KDM6A: variants seen among roughly 807,000 people sequenced by gnomAD.
The protein encoded by KDM6A is lysine demethylase 6A.
In KDM6A, 11 loss-of-function variants were observed where a neutral mutation model predicts 117.6. That is an observed-to-expected ratio of 0.09 (90% CI 0.06 to 0.15). KDM6A has a LOEUF of 0.15. Ranked by LOEUF, KDM6A falls within the 10% of genes least tolerant of loss-of-function variation. The pLI, the probability that KDM6A is intolerant of heterozygous loss-of-function variation, is 1.00. For synonymous variants in KDM6A, 384 were observed against 396.1 expected (o/e 0.97, Z 0.36); for missense variants, 799 against 1,077.3 (o/e 0.74, Z 3.62).
intron 2 of KDM6A, among the ~76,000 whole-genome samples, chrX:44,893,683 G>C (rs745629268): frequency 9.1e-6 from 1 of 109,540 alleles, no homozygotes; most frequent in African/African-American, 3.3e-5. Context: ...CTAATTTTTT[G>C]TATTTTTAGT....
chrX:45,020,055 A>G (rs1400554321), intron 5 of KDM6A, among the ~76,000 whole-genome samples: 1 of 111,693 alleles, frequency 9.0e-6, no homozygotes, highest in African/African-American at 3.2e-5. Context: ...AAGGATGGTC[A>G]TTTCTACAAA....
Position 44,873,412 on chromosome X carries a change from T to G in KDM6A, c.-140T>G. ...CTTCACCGCCGCCGCGTTGGGATTT[T>G]TCGTCGCCGCCGCCCGCGGCGGAGG... is the stretch of plus-strand genomic sequence containing the variant. On this transcript the variant is annotated 5_prime_UTR_variant, in exon 1 of 30. Transcript: ENST00000611820. 4 of 861,394 alleles carry G rather than the reference T, an allele frequency of 4.6e-6. No homozygotes were observed. Among genetic ancestry groups the G allele is most frequent in the Non-Finnish European group, 6.4e-6 (4 of 622,729 alleles). The allele number at this position is 861,394 out of a possible 1,213,427, so 71.0% of individuals were successfully genotyped here.
rs745526716 is a variant in KDM6A at position 44,927,260 on chromosome X, C to T, written c.226-34024C>T. On this transcript the variant is annotated intron_variant, in intron 2 of 29. Transcript: ENST00000611820. ...AGCCCTTATCTCCCTTCAGTAGAGA[C>T]GCAACCTTCCTTTTTTATTTCCTGA... Among the ~76,000 whole-genome samples the T allele has an allele frequency of 6.1e-4, 68 of 111,058 alleles. 1 individual carries two copies. Among genetic ancestry groups the T allele is most frequent in the African/African-American group, 2.0e-3 (62 of 30,596 alleles).
intron 8 of KDM6A, among the ~76,000 whole-genome samples, chrX:45,046,781 G>A (rs759613024): frequency 1.8e-5 from 2 of 111,627 alleles, no homozygotes; most frequent in African/African-American, 6.5e-5. Flanking sequence ...TAAAAATGTG[G>A]TACTGGCATG....
chrX:45,033,712 A>G (rs1236712121), intron 6 of KDM6A, among the ~76,000 whole-genome samples: 1 of 109,803 alleles, frequency 9.1e-6, no homozygotes, highest in Non-Finnish European at 1.9e-5. Flanking sequence ...CACCACTATG[A>G]ACGGCTAATT....
intron 8 of KDM6A, among the ~76,000 whole-genome samples, chrX:45,043,314 G>A (rs1469340595): frequency 9.0e-6 from 1 of 110,804 alleles, no homozygotes; most frequent in African/African-American, 3.3e-5. Context: ...CGAAAAAAAA[G>A]GTCTTTTGTA....
At chrX:45,065,311 A>G (rs754986432) in intron 17 of KDM6A, among the ~76,000 whole-genome samples, 2 of 111,846 alleles carry the variant, frequency 1.8e-5, no homozygotes, top group Non-Finnish European at 3.8e-5. Context: ...AGGAGTGAGA[A>G]GAGAGAGAAA....
chrX:44,914,101 C>T (rs2035396774), intron 2 of KDM6A, among the ~76,000 whole-genome samples: 1 of 111,896 alleles, frequency 8.9e-6, no homozygotes, highest in African/African-American at 3.3e-5. Flanking sequence ...TTTAGTAGCA[C>T]CCTTTCTGCA....
intron 27 of KDM6A, among the ~76,000 whole-genome samples, chrX:45,099,472 G>GTGCAGAGTTCTACA (rs2046248377): frequency 4.5e-5 from 5 of 110,074 alleles, no homozygotes; most frequent in Admixed American, 9.7e-5. Flanking sequence ...TTCTGGATTT[G>GTGCAGAGTTCTACA]TTTTCTCATA....
chrX:44,909,775 G>C (rs1383566219), intron 2 of KDM6A, among the ~76,000 whole-genome samples: 1 of 111,492 alleles, frequency 9.0e-6, no homozygotes, highest in East Asian at 2.8e-4. Flanking sequence ...TTCCTTTCCC[G>C]TAGAAGATTA....
chrX:44,978,640 G>T (rs893570170), intron 4 of KDM6A, among the ~76,000 whole-genome samples: 2 of 111,920 alleles, frequency 1.8e-5, no homozygotes, highest in Non-Finnish European at 3.8e-5. Context: ...CATTTTTTGA[G>T]ATATGATTTA....
At chrX:44,889,836 A>T (rs1051281099) in intron 2 of KDM6A, among the ~76,000 whole-genome samples, 1 of 112,163 alleles carries the variant, frequency 8.9e-6, no homozygotes, top group African/African-American at 3.2e-5. Context: ...TTATGTATTG[A>T]CTTACTTTAA....
chrX:44,961,295 C>T lies in KDM6A; in HGVS notation c.237C>T (p.Cys79=), dbSNP rs979830647. Residue 79 remains cysteine, a synonymous_variant, in exon 3 of 30, where the codon TGC becomes TGT. Coordinates refer to ENST00000611820, the MANE Select transcript of KDM6A (RefSeq NM_001291415.2). The stretch of plus-strand genomic sequence containing the variant: ...TTTTTTATTTCTAGGCTGTTCGCTG[C>T]TATGAATCTCTAATCTTAAAAGCTG... ...TKALLGKAVR[C]YESLILKAEG... The T allele has an allele frequency of 4.2e-6, 5 of 1,198,486 alleles. No homozygotes were observed. The highest frequency in any genetic ancestry group is 5.6e-6 in the Non-Finnish European group (5 of 885,042).
chrX:44,930,582 C>T (rs907805572), intron 2 of KDM6A, among the ~76,000 whole-genome samples: 8 of 111,685 alleles, frequency 7.2e-5, no homozygotes, highest in Non-Finnish European at 1.3e-4. Context: ...TGTATTGGTT[C>T]TGTATTTGCC....
At chrX:45,018,036 C>T (rs1602591464) in intron 5 of KDM6A, among the ~76,000 whole-genome samples, 1 of 111,461 alleles carries the variant, frequency 9.0e-6, no homozygotes, top group Non-Finnish European at 1.9e-5. Flanking sequence ...CAGTTTATAG[C>T]TGAGGAGGAG....
intron 10 of KDM6A, among the ~76,000 whole-genome samples, chrX:45,055,695 G>C: frequency 9.0e-6 from 1 of 111,679 alleles, no homozygotes; most frequent in Non-Finnish European, 1.9e-5. Context: ...GGAGTGTGAG[G>C]CTTTATATAG....
chrX:44,911,009 T>G (rs2035075804), intron 2 of KDM6A, among the ~76,000 whole-genome samples: 1 of 112,582 alleles, frequency 8.9e-6, no homozygotes, highest in Non-Finnish European at 1.9e-5. Context: ...AATGAGCTGT[T>G]GGGTACACCT....
chrX:44,940,881 C>T (rs753541561), intron 2 of KDM6A, among the ~76,000 whole-genome samples: 33 of 110,718 alleles, frequency 3.0e-4, no homozygotes, highest in African/African-American at 1.1e-3. Flanking sequence ...ACTAAAAATG[C>T]AAAATTAGCC....
chrX:44,888,828 CAT>C (rs2033108045), intron 2 of KDM6A, among the ~76,000 whole-genome samples: 1 of 111,261 alleles, frequency 9.0e-6, no homozygotes, highest in Non-Finnish European at 1.9e-5. Context: ...TGCTAGAACT[CAT>C]GTGATGGCAA....
Sources: gnomAD v4.1 joint callset for allele counts (sites outside exome capture counted in the v4.1 genomes callset) on GRCh38, gnomAD v4.1.1 for gene constraint, MANE v1.5 for transcripts, NCBI Gene and HGNC (gene_info 2026-07-23, HGNC 2026-07-21) for gene names.